Variants in ID4 observed in about 807,000 individuals in gnomAD.
The protein encoded by ID4 is DNA-binding protein inhibitor ID-4.
ID4 carries 9 observed loss-of-function variants against 8.6 expected under a neutral mutation model. The observed-to-expected ratio is 1.04, with a 90% CI of 0.63 to 1.82. ID4 has a LOEUF of 1.82. Ranked by LOEUF, ID4 falls within the 40% of genes most tolerant of loss-of-function variation. The probability of loss-of-function intolerance (pLI) is 0.00; values close to 1 mark genes in which losing one functional copy is unlikely to be tolerated. For missense variants in ID4, 270 were observed against 235.1 expected (o/e 1.15, Z -0.97); for synonymous variants, 180 against 118.0 (o/e 1.53, Z -3.41).
chr6:19,838,204 C>T lies in ID4; in HGVS notation c.441+9C>T, dbSNP rs1761268424. 2 of 1,351,692 alleles carry T rather than the reference C, an allele frequency of 1.5e-6. No homozygotes were observed. 83.7% of individuals were successfully genotyped at this position (1,351,692 alleles called of 1,614,324 possible). ...CGCTCAACACCGACCCGGTGAGAGG[C>T]CGGGCGCCGGCCGTGGGCGGACGCC... is the stretch of plus-strand genomic sequence containing the variant. On this transcript the variant is annotated intron_variant, in intron 1 of 2. Coordinates refer to ENST00000378700, the MANE Select transcript of ID4 (RefSeq NM_001546.4).
In ID4 at chr6:19,837,697, G is replaced by T. The variant is rs1019147473; in HGVS notation, c.-58G>T. On this transcript the variant is annotated 5_prime_UTR_variant, in exon 1 of 3. Coordinates refer to ENST00000378700, the MANE Select transcript of ID4 (RefSeq NM_001546.4). ...CGGCCGCGGACGGGGCCCGGAGCTTGCCTGCCTCCCTCGCTCGCCCCAGCG... is the reference window on the plus strand; with the variant it reads ...CGGCCGCGGACGGGGCCCGGAGCTTTCCTGCCTCCCTCGCTCGCCCCAGCG... 4.7e-6 allele frequency: 5 copies of T among 1,066,584 alleles called. No individual in the cohort carries two copies. The highest frequency in any genetic ancestry group is 1.1e-4 in the Admixed American group (2 of 18,692). The allele number at this position is 1,066,584 out of a possible 1,614,324, so 66.1% of individuals were successfully genotyped here. A position where few individuals can be genotyped will look rare whatever the true frequency, so the allele number is the denominator to read the frequency against.
In ID4 at chr6:19,838,214, G is replaced by C; in HGVS notation, c.441+19G>C. On this transcript the variant is annotated intron_variant, in intron 1 of 2. Coordinates refer to ENST00000378700, the MANE Select transcript of ID4 (RefSeq NM_001546.4). ...CGACCCGGTGAGAGGCCGGGCGCCG[G>C]CCGTGGGCGGACGCCGCGGGGGATG... 7.5e-7 allele frequency: 1 copy of C among 1,337,502 alleles called. No homozygotes were observed. 82.9% of individuals were successfully genotyped at this position (1,337,502 alleles called of 1,614,324 possible).
Position 19,841,767 on chromosome 6 carries a change from T to C in ID4, c.*2572T>C, listed in dbSNP as rs1761363398. On this transcript the variant is annotated 3_prime_UTR_variant, in exon 3 of 3. Coordinates refer to ENST00000378700, the MANE Select transcript of ID4 (RefSeq NM_001546.4). The stretch of plus-strand genomic sequence containing the variant: ...CTACATTCCATTGAAATGTTGGCTA[T>C]GTCCTAACCAGGCAACCAGATAACA... Among the ~76,000 whole-genome samples the C allele has an allele frequency of 6.6e-6, 1 of 152,242 alleles. No homozygotes were observed. Among genetic ancestry groups the C allele is most frequent in the Non-Finnish European group, 1.5e-5 (1 of 68,022 alleles).
chr6:19,838,848 A>C (rs1761292373), intron 2 of ID4: 5 of 561,674 alleles, frequency 8.9e-6, no homozygotes, highest in Non-Finnish European at 1.6e-5. Context: ...CTCGGTGGAG[A>C]CGGGTCAGCC....
rs1761356937 is a variant in ID4, at chr6:19,841,368, GC to G, written c.*2174del. Among the ~76,000 whole-genome samples the G allele has an allele frequency of 1.3e-5, 2 of 152,120 alleles. No individual in the cohort carries two copies. The highest frequency in any genetic ancestry group is 2.9e-5 in the Non-Finnish European group (2 of 68,008). On this transcript the variant is annotated 3_prime_UTR_variant, in exon 3 of 3. Transcript: ENST00000378700. The stretch of plus-strand genomic sequence containing the variant: ...ACTGCATTCTTTGTTATTAAAAAGG[GC>G]ACAATCCTTCCTTTTTATTTGGCAG...
chr6:19,838,784 T>C (rs770772780), intron 2 of ID4, 142 bp downstream of exon 2: 62 of 667,186 alleles, frequency 9.3e-5, no homozygotes, highest in Non-Finnish European at 1.4e-4. Flanking sequence ...CCTCTCTCCC[T>C]GCCACCTAAG....
chr6:19,838,378 G>A (rs993296500), intron 1 of ID4, among the ~76,000 whole-genome samples, 183 bp downstream of exon 1: 5 of 152,088 alleles, frequency 3.3e-5, no homozygotes, highest in African/African-American at 1.2e-4. Context: ...GCGAGCGCGG[G>A]TCCGGGAGAA....
rs560995194 is a variant in ID4, at chr6:19,839,824, ATAT to A, written c.*633_*635del. On this transcript the variant is annotated 3_prime_UTR_variant, in exon 3 of 3. Transcript: ENST00000378700. ...TTTTTAATTAAATATTTTTTTGTAAATATTATGTGTGTGTTTTTTTTTAATCTA... is the reference window on the plus strand; with the variant it reads ...TTTTTAATTAAATATTTTTTTGTAAATATGTGTGTGTTTTTTTTTAATCTA... The A allele has an allele frequency of 7.0e-4, 106 of 151,692 alleles. No homozygotes were observed. The highest frequency in any genetic ancestry group is 1.9e-3 in the East Asian group (10 of 5,180). 9.4% of individuals were successfully genotyped at this position (151,692 alleles called of 1,614,324 possible).
rs1761304314 is a variant in ID4, at chr6:19,839,204, C to G, written c.*15-6C>G. On this transcript the variant is annotated splice_region_variant and splice_polypyrimidine_tract_variant and intron_variant, in intron 2 of 2. Transcript: ENST00000378700. Reference sequence around the variant, plus strand: ...CACACCCCCTCTATTCATTCCTCTTCCACAGGTGTGCGGCCGCCTGAGCCC... The same window carrying G: ...CACACCCCCTCTATTCATTCCTCTTGCACAGGTGTGCGGCCGCCTGAGCCC... 1 of 153,192 alleles carries G rather than the reference C, an allele frequency of 6.5e-6. No homozygotes were observed. The highest frequency in any genetic ancestry group is 6.5e-5 in the Admixed American group (1 of 15,432). 9.5% of individuals were successfully genotyped at this position (153,192 alleles called of 1,614,324 possible).
Position 19,838,364 on chromosome 6 carries a change from C to A in ID4, c.441+169C>A, listed in dbSNP as rs529126502. Among the ~76,000 whole-genome samples the A allele has an allele frequency of 2.6e-5, 4 of 152,190 alleles. 1 individual carries two copies. In the South Asian group the frequency reaches 6.2e-4, roughly 24 times the overall value. Reference sequence around the variant, plus strand: ...CCCGGGCCGCCAGCAGCCGGCCGGGCTCGGCGAGCGCGGGTCCGGGAGAAC... The same window carrying A: ...CCCGGGCCGCCAGCAGCCGGCCGGGATCGGCGAGCGCGGGTCCGGGAGAAC... On this transcript the variant is annotated intron_variant, in intron 1 of 2. Coordinates refer to ENST00000378700, the MANE Select transcript of ID4 (RefSeq NM_001546.4).
Position 19,837,994 on chromosome 6 carries a change from C to T in ID4, c.240C>T (p.Pro80=), listed in dbSNP as rs142764323. The change falls in exon 1 of 3, where the codon CCC becomes CCT. Residue 80 remains proline, a synonymous_variant. Transcript: ENST00000378700. ...DCYSRLRRLV[P]TIPPNKKVSK... The stretch of plus-strand genomic sequence containing the variant: ...ATAGCCGCCTGCGGAGGCTGGTGCC[C>T]ACCATCCCGCCCAACAAGAAAGTCA... The T allele has an allele frequency of 1.9e-6, 3 of 1,600,276 alleles. No homozygotes were observed. Among genetic ancestry groups the T allele is most frequent in the East Asian group, 2.3e-5 (1 of 44,066 alleles).
rs778320130 is a variant in ID4, at chr6:19,838,612, G to C, written c.470G>C (p.Ser157Thr). 1 of 1,613,982 alleles carries C rather than the reference G, an allele frequency of 6.2e-7. No homozygotes were observed. Among genetic ancestry groups the C allele is most frequent in the South Asian group, 1.1e-5 (1 of 91,084 alleles). Residue 157 changes from serine to threonine, a missense_variant, in exon 2 of 3, where the codon AGC (serine) becomes ACC (threonine). By Grantham distance (58) the Ser-to-Thr change is moderately conservative (BLOSUM62 1). This residue lies in a region of ID4 where 107 missense variants were observed against 81.0 expected (regional missense o/e 1.32). Coordinates refer to ENST00000378700, the MANE Select transcript of ID4 (RefSeq NM_001546.4). ...GGCGCGGTGAACAAGCAGGGCGACAGCATTCTGTGCCGCTGAGCCGCGCTG... is the reference window on the plus strand; with the variant it reads ...GGCGCGGTGAACAAGCAGGGCGACACCATTCTGTGCCGCTGAGCCGCGCTG... The part of the protein sequence containing the change: ...PAGAVNKQGD[S>T]ILCR
In ID4 at chr6:19,837,597, C is replaced by T. The variant is rs1195343045; in HGVS notation, c.-158C>T. On this transcript the variant is annotated 5_prime_UTR_variant, in exon 1 of 3. Coordinates refer to ENST00000378700, the MANE Select transcript of ID4 (RefSeq NM_001546.4). ...TTCCCTCGTAAAACCCAGAGCGACC[C>T]TCCCGTCAATTGTTGGGCTCGGGAG... 3 of 330,106 alleles carry T rather than the reference C, an allele frequency of 9.1e-6. No individual in the cohort carries two copies. Among genetic ancestry groups the T allele is most frequent in the Non-Finnish European group, 1.4e-5 (3 of 212,724 alleles). The allele number at this position is 330,106 out of a possible 1,614,324, so 20.4% of individuals were successfully genotyped here. A position where few individuals can be genotyped will look rare whatever the true frequency, so the allele number is the denominator to read the frequency against.
intron 1 of ID4, 71 bp downstream of exon 1, chr6:19,838,266 G>A (rs1761270448): frequency 7.1e-6 from 9 of 1,264,704 alleles, no homozygotes; most frequent in Non-Finnish European, 9.1e-6. Flanking sequence ...GTGGCGGGAC[G>A]CGGGCGCTCA....
rs1427780496 is a variant in ID4, at chr6:19,840,086, T to A, written c.*891T>A. On this transcript the variant is annotated 3_prime_UTR_variant, in exon 3 of 3. Transcript: ENST00000378700. ...TTTTTTAAATGTAGATTGAAATCTTTGTATTTGAAGCATACATGTTGAAAA... is the reference window on the plus strand; with the variant it reads ...TTTTTTAAATGTAGATTGAAATCTTAGTATTTGAAGCATACATGTTGAAAA... The A allele has an allele frequency of 1.3e-5, 2 of 152,628 alleles. No homozygotes were observed. The highest frequency in any genetic ancestry group is 2.9e-5 in the Non-Finnish European group (2 of 68,026). The allele number at this position is 152,628 out of a possible 1,614,324, so 9.5% of individuals were successfully genotyped here. A position where few individuals can be genotyped will look rare whatever the true frequency, so the allele number is the denominator to read the frequency against.
At position 19,837,706 on chromosome 6, in the gene ID4, C is replaced by T. The variant is rs1009695263; in HGVS notation, c.-49C>T. On this transcript the variant is annotated 5_prime_UTR_variant, in exon 1 of 3. Transcript: ENST00000378700. ...ACGGGGCCCGGAGCTTGCCTGCCTC[C>T]CTCGCTCGCCCCAGCGGGTTCGCTC... The T allele has an allele frequency of 2.1e-5, 23 of 1,082,718 alleles. No individual in the cohort carries two copies. The highest frequency in any genetic ancestry group is 1.1e-4 in the East Asian group (2 of 18,534). The allele number at this position is 1,082,718 out of a possible 1,614,324, so 67.1% of individuals were successfully genotyped here.
Position 19,837,710 on chromosome 6 carries a change from G to T in ID4, c.-45G>T. 1 of 1,088,142 alleles carries T rather than the reference G, an allele frequency of 9.2e-7. No individual in the cohort carries two copies. Among genetic ancestry groups the T allele is most frequent in the Non-Finnish European group, 1.1e-6 (1 of 894,886 alleles). The allele number at this position is 1,088,142 out of a possible 1,614,324, so 67.4% of individuals were successfully genotyped here. A position where few individuals can be genotyped will look rare whatever the true frequency, so the allele number is the denominator to read the frequency against. ...GGCCCGGAGCTTGCCTGCCTCCCTC[G>T]CTCGCCCCAGCGGGTTCGCTCGCGT... On this transcript the variant is annotated 5_prime_UTR_variant, in exon 1 of 3. Transcript: ENST00000378700.
In ID4 at chr6:19,837,617, C is replaced by T. The variant is rs1761244341; in HGVS notation, c.-138C>T. On this transcript the variant is annotated 5_prime_UTR_variant, in exon 1 of 3. Coordinates refer to ENST00000378700, the MANE Select transcript of ID4 (RefSeq NM_001546.4). ...CGACCCTCCCGTCAATTGTTGGGCTCGGGAGTGTCGCGGTGCCCCGAGCGC... is the reference window on the plus strand; with the variant it reads ...CGACCCTCCCGTCAATTGTTGGGCTTGGGAGTGTCGCGGTGCCCCGAGCGC... 4.7e-6 allele frequency: 2 copies of T among 426,310 alleles called. No individual in the cohort carries two copies. Among genetic ancestry groups the T allele is most frequent in the Non-Finnish European group, 6.6e-6 (2 of 301,574 alleles). 26.4% of individuals were successfully genotyped at this position (426,310 alleles called of 1,614,324 possible).
rs769720826 is a variant in ID4 at position 19,838,633 on chromosome 6, C to G, written c.*5C>G. 1.9e-6 allele frequency: 3 copies of G among 1,613,810 alleles called. No homozygotes were observed. The East Asian group carries it at 6.7e-5, about 36-fold the overall frequency. ...GACAGCATTCTGTGCCGCTGAGCCG[C>G]GCTGTCCAGGTGAGCGCGCATTTCC... On this transcript the variant is annotated 3_prime_UTR_variant, in exon 2 of 3. Transcript: ENST00000378700.
Sources: gnomAD v4.1 joint callset for allele counts (sites outside exome capture counted in the v4.1 genomes callset) on GRCh38, gnomAD v4.1.1 for gene constraint, gnomAD v4.1.1 regional missense constraint, MANE v1.5 for transcripts, NCBI Gene and HGNC (gene_info 2026-07-23, HGNC 2026-07-21) for gene names.